The following FSTL4 variants were observed in gnomAD, a reference collection of about 807,000 sequenced individuals.
FSTL4 encodes the protein follistatin like 4.
In FSTL4, 28 loss-of-function variants were observed where a neutral mutation model predicts 78.2. That is an observed-to-expected ratio of 0.36 (90% confidence interval 0.27 to 0.49). The LOEUF is 0.49. Ranked by LOEUF, FSTL4 falls within the 20% of genes least tolerant of loss-of-function variation. The pLI is 0.98. For synonymous variants in FSTL4, 422 were observed against 440.5 expected, an observed-to-expected ratio of 0.96 and a Z score of 0.53; for missense variants, 922 against 1,084.9, an observed-to-expected ratio of 0.85 and a Z score of 2.11.
the FSTL4 span, among the ~76,000 whole-genome samples, chr5:133,655,476 G>A: frequency 1.3e-5 from 2 of 152,184 alleles, no homozygotes; most frequent in African/African-American, 4.8e-5. Context: ...ACACAGAGAG[G>A]AGAATCTTTA....
chr5:133,224,141 C>T, intron 11 of FSTL4, 49 bp downstream of exon 11: 1 of 1,537,454 alleles, frequency 6.5e-7, no homozygotes, highest in Non-Finnish European at 9.0e-7. Flanking sequence ...CATCATAGAA[C>T]CAAACACACG....
At chr5:133,402,635 A>C (rs1756259820) in intron 3 of FSTL4, among the ~76,000 whole-genome samples, 1 of 152,228 alleles carries the variant, frequency 6.6e-6, no homozygotes, top group Non-Finnish European at 1.5e-5. Context: ...TTTTTGGTTA[A>C]GTCTGCTTTT....
At chr5:133,555,073 A>G (rs577440241) in intron 3 of FSTL4, among the ~76,000 whole-genome samples, 2 of 152,312 alleles carry the variant, frequency 1.3e-5, no homozygotes, top group Admixed American at 6.5e-5. Flanking sequence ...GCTCTATTTT[A>G]AACTGTCATC....
chr5:133,265,874 C>T (rs1027763667), intron 6 of FSTL4, among the ~76,000 whole-genome samples: 1 of 152,006 alleles, frequency 6.6e-6, no homozygotes, highest in African/African-American at 2.4e-5. Flanking sequence ...GGGCCCTCTC[C>T]TAGGGGCCTC....
chr5:133,378,286 C>T (rs988496687), intron 4 of FSTL4, among the ~76,000 whole-genome samples: 2 of 152,098 alleles, frequency 1.3e-5, no homozygotes, highest in African/African-American at 4.8e-5. Context: ...ATTTTAAAAG[C>T]AATTGTATAA....
At chr5:133,749,898 C>T in the FSTL4 span, among the ~76,000 whole-genome samples, 2 of 152,194 alleles carry the variant, frequency 1.3e-5, no homozygotes, top group Admixed American at 1.3e-4. Context: ...ATTATAACAG[C>T]TCAAGTGACA....
At chr5:133,684,201 T>C in the FSTL4 span, among the ~76,000 whole-genome samples, 3 of 152,174 alleles carry the variant, frequency 2.0e-5, no homozygotes, top group Admixed American at 6.5e-5. Flanking sequence ...AGCTCAGGGC[T>C]GAAAGTGACG....
chr5:133,394,604 G>A (rs1157176826), intron 4 of FSTL4, among the ~76,000 whole-genome samples: 9 of 152,216 alleles, frequency 5.9e-5, no homozygotes, highest in Non-Finnish European at 1.2e-4. Context: ...GCAGGGCTTA[G>A]GACCTGCAGC....
At chr5:133,582,653 AC>A (rs780004211) in intron 2 of FSTL4, among the ~76,000 whole-genome samples, 10 of 152,050 alleles carry the variant, frequency 6.6e-5, no homozygotes, top group Non-Finnish European at 1.2e-4. Flanking sequence ...GCCATGGCCA[AC>A]CCCTGTCAAC....
chr5:133,619,373 T>G, the FSTL4 span, among the ~76,000 whole-genome samples: 5 of 152,330 alleles, frequency 3.3e-5, no homozygotes, highest in Admixed American at 6.5e-5. Flanking sequence ...TTTTCCTTCC[T>G]ACTTAAATCA....
At chr5:133,784,719 C>T in the FSTL4 span, among the ~76,000 whole-genome samples, 2 of 150,922 alleles carry the variant, frequency 1.3e-5, no homozygotes, top group African/African-American at 4.9e-5. Flanking sequence ...GACCTGTTAA[C>T]ATTTTCATTC....
chr5:133,567,945 G>A (rs1460209715), intron 2 of FSTL4, among the ~76,000 whole-genome samples: 1 of 152,158 alleles, frequency 6.6e-6, no homozygotes, highest in Non-Finnish European at 1.5e-5. Flanking sequence ...GAAATGAAAG[G>A]GTGATTTGTC....
At chr5:133,583,456 G>A (rs1760481457) in intron 2 of FSTL4, 4 of 216,286 alleles carry the variant, frequency 1.8e-5, no homozygotes, top group South Asian at 3.6e-5. Flanking sequence ...TGCGCGAGCC[G>A]AAGCAGGGCG....
the FSTL4 span, among the ~76,000 whole-genome samples, chr5:133,749,175 G>A: frequency 6.6e-6 from 1 of 152,224 alleles, no homozygotes; most frequent in Non-Finnish European, 1.5e-5. Context: ...GGAATGCAGT[G>A]ATGAATGAAC....
chr5:133,685,861 C>T, the FSTL4 span, among the ~76,000 whole-genome samples: 115 of 152,348 alleles, frequency 7.5e-4, no homozygotes, highest in African/African-American at 2.6e-3. Context: ...GTGTCCCAGC[C>T]GTGTCCCTGA....
At chr5:133,663,840 G>T in the FSTL4 span, among the ~76,000 whole-genome samples, 5 of 152,350 alleles carry the variant, frequency 3.3e-5, no homozygotes, top group South Asian at 6.2e-4. Context: ...ACTTGAACAA[G>T]CCAGGGAGGC....
intron 3 of FSTL4, among the ~76,000 whole-genome samples, chr5:133,439,575 GGTCTTCAAGT>G (rs1453565988): frequency 2.0e-5 from 3 of 152,212 alleles, no homozygotes; most frequent in Non-Finnish European, 4.4e-5. Flanking sequence ...CTGCTTCAGA[GGTCTTCAAGT>G]GCCAGCTCGT....
At chr5:133,826,761 G>A in the FSTL4 span, among the ~76,000 whole-genome samples, 1 of 152,334 alleles carries the variant, frequency 6.6e-6, no homozygotes, top group Admixed American at 6.5e-5. Context: ...CATCTTTTGG[G>A]GGACCACCTA....
the FSTL4 span, among the ~76,000 whole-genome samples, chr5:133,836,861 G>A: frequency 6.6e-6 from 1 of 152,064 alleles, no homozygotes; most frequent in Non-Finnish European, 1.5e-5. Context: ...TTTTTCCTCT[G>A]AATTTTATAA....
Sources: gnomAD v4.1 joint callset for allele counts (sites outside exome capture counted in the v4.1 genomes callset) on GRCh38, gnomAD v4.1.1 for gene constraint, MANE v1.5 for transcripts, NCBI Gene and HGNC (gene_info 2026-07-23, HGNC 2026-07-21) for gene names.